The following SLTM variants were observed in gnomAD, a reference collection of about 807,000 sequenced individuals.
SLTM encodes the protein SAFB-like transcription modulator.
Under a neutral mutation model 134.6 loss-of-function variants are expected in SLTM, and 43 were observed. The observed-to-expected ratio is 0.32, with a 90% CI of 0.25 to 0.41. The LOEUF is 0.41. Among genes scored for constraint, SLTM ranks in the 10% least tolerant of loss-of-function variants. The pLI, the probability that SLTM is intolerant of heterozygous loss-of-function variation, is 1.00. For missense variants in SLTM, 1,055 were observed against 1,288.8 expected (o/e 0.82, Z 2.78); for synonymous variants, 424 against 432.3 (o/e 0.98, Z 0.24).
chr15:58,901,238 T>C lies in SLTM; in HGVS notation c.589+22A>G, dbSNP rs1185450112. ...TGTTTTTCTAAATTTTAGCAATTTTTAAGCTCTAGCATCAAACATACCTTT... is the reference window on the plus strand; with the variant it reads ...TGTTTTTCTAAATTTTAGCAATTTTCAAGCTCTAGCATCAAACATACCTTT... On this transcript the variant is annotated intron_variant, in intron 6 of 20. Transcript: ENST00000380516. The C allele has an allele frequency of 3.2e-6, 5 of 1,585,204 alleles. No individual in the cohort carries two copies. In the African/African-American group the frequency reaches 6.8e-5, roughly 21 times the overall value.
chr15:58,903,990 CTCTT>C (rs753892172), intron 5 of SLTM, among the ~76,000 whole-genome samples: 3 of 152,114 alleles, frequency 2.0e-5, no homozygotes, highest in African/African-American at 4.8e-5. Flanking sequence ...TTTTCTCTCT[CTCTT>C]TCTTTTTCAA....
rs554541147 is a variant in SLTM, at chr15:58,882,126, A to G, written c.2996+1500T>C. ...CTTGAACCCAGGAGGCAGAGGTTGC[A>G]GCGAGCCGAGACTGCACCACTACAC... On this transcript the variant is annotated intron_variant, in intron 20 of 20. Coordinates refer to ENST00000380516, the MANE Select transcript of SLTM (RefSeq NM_024755.4). Among the ~76,000 whole-genome samples, 10 of 137,024 alleles carry G rather than the reference A, an allele frequency of 7.3e-5. No homozygotes were observed. In the East Asian group the frequency reaches 1.7e-3, roughly 23 times the overall value. The allele number at this position is 137,024 out of a possible 152,430, so 89.9% of individuals were successfully genotyped here. A position where few individuals can be genotyped will look rare whatever the true frequency, so the allele number is the denominator to read the frequency against.
At chr15:58,930,281 A>ATTTTTTT (rs34150533) in intron 2 of SLTM, among the ~76,000 whole-genome samples, 1 of 117,650 alleles carries the variant, frequency 8.5e-6, no homozygotes, top group African/African-American at 3.3e-5. Flanking sequence ...ATGCCCAGCT[A>ATTTTTTT]TTTTTTTTTT....
intron 2 of SLTM, chr15:58,921,482 A>T (rs1365798873): frequency 1.1e-5 from 3 of 261,302 alleles, no homozygotes; most frequent in Admixed American, 8.6e-5. Context: ...AACAAGAGGC[A>T]GCACTGGGGT....
chr15:58,882,535 C>G (rs997786865), intron 20 of SLTM, among the ~76,000 whole-genome samples: 1 of 152,056 alleles, frequency 6.6e-6, no homozygotes, highest in Non-Finnish European at 1.5e-5. Flanking sequence ...GATAAGTGAC[C>G]GTGTGAAACA....
intron 9 of SLTM, among the ~76,000 whole-genome samples, chr15:58,896,789 A>G (rs528185465): frequency 6.6e-6 from 1 of 152,312 alleles, no homozygotes; most frequent in African/African-American, 2.4e-5. Flanking sequence ...TATTTTCAAG[A>G]TGTCCAAATC....
intron 5 of SLTM, among the ~76,000 whole-genome samples, chr15:58,902,814 C>G (rs1238940637): frequency 6.6e-6 from 1 of 152,008 alleles, no homozygotes; most frequent in East Asian, 1.9e-4. Context: ...ACCTCCGCCT[C>G]CTGTGTTCAA....
chr15:58,897,352 T>C (rs1214007189), intron 8 of SLTM, 119 bp from the exon 9 acceptor site: 7 of 592,590 alleles, frequency 1.2e-5, no homozygotes, highest in Non-Finnish European at 1.8e-5. Context: ...TATATCAAAA[T>C]CCTGTGAGTT....
chr15:58,887,125 A>G lies in SLTM; in HGVS notation c.2691-6T>C, dbSNP rs2034276865. 6.2e-7 allele frequency: 1 copy of G among 1,613,906 alleles called. No homozygotes were observed. Among genetic ancestry groups the G allele is most frequent in the African/African-American group, 1.3e-5 (1 of 74,924 alleles). On this transcript the variant is annotated splice_polypyrimidine_tract_variant and splice_region_variant and intron_variant, in intron 18 of 20. Transcript: ENST00000380516. ...ATCGTTCTGGCCTTTCAACTCTGTT[A>G]AACAAAACATAAAAACATACATGAT...
At chr15:58,881,934 G>T (rs769508493) in intron 20 of SLTM, among the ~76,000 whole-genome samples, 4 of 151,750 alleles carry the variant, frequency 2.6e-5, no homozygotes, top group Non-Finnish European at 5.9e-5. Flanking sequence ...CACACGGCCG[G>T]GCGCAGTGGC....
At chr15:58,929,914 A>G (rs112981030) in intron 2 of SLTM, among the ~76,000 whole-genome samples, 71 of 152,304 alleles carry the variant, frequency 4.7e-4, no homozygotes, top group African/African-American at 1.5e-3. Flanking sequence ...CTCTCATATT[A>G]AAAATAATAA....
At chr15:58,889,964 C>T (rs766128441) in intron 15 of SLTM, 19 of 377,988 alleles carry the variant, frequency 5.0e-5, no homozygotes, top group Non-Finnish European at 8.1e-5. Flanking sequence ...GTAAGGAAAT[C>T]GTTATTATTT....
intron 5 of SLTM, among the ~76,000 whole-genome samples, chr15:58,903,601 C>T (rs1455221739): frequency 1.3e-5 from 2 of 151,676 alleles, no homozygotes; most frequent in African/African-American, 2.4e-5. Flanking sequence ...GATGAGTTAA[C>T]GGGTGCAGCA....
intron 16 of SLTM, 77 bp from the exon 17 acceptor site, chr15:58,888,632 AC>A: frequency 7.0e-7 from 1 of 1,425,210 alleles, no homozygotes. Context: ...AGTCATACAT[AC>A]CACATGTTAG....
At chr15:58,907,537 C>G (rs2035948628) in intron 5 of SLTM, among the ~76,000 whole-genome samples, 1 of 152,174 alleles carries the variant, frequency 6.6e-6, no homozygotes, top group Admixed American at 6.5e-5. Flanking sequence ...GCGGTGATCA[C>G]TTGAGCCCAG....
At chr15:58,887,691 A>T in intron 17 of SLTM, 151 bp from the exon 18 acceptor site, 1 of 1,397,344 alleles carries the variant, frequency 7.2e-7, no homozygotes, top group Non-Finnish European at 9.4e-7. Flanking sequence ...GATTATTACA[A>T]CTCATTTTCT....
At chr15:58,926,809 T>TC (rs1324942278) in intron 2 of SLTM, among the ~76,000 whole-genome samples, 3 of 152,108 alleles carry the variant, frequency 2.0e-5, no homozygotes, top group Non-Finnish European at 4.4e-5. Context: ...AGAGGGGGTT[T>TC]CACCATGTTG....
At chr15:58,927,517 C>T (rs1227386792) in intron 2 of SLTM, among the ~76,000 whole-genome samples, 1 of 152,200 alleles carries the variant, frequency 6.6e-6, no homozygotes, top group Non-Finnish European at 1.5e-5. Context: ...GTGATCCGCC[C>T]ACCTCAGCTT....
intron 5 of SLTM, among the ~76,000 whole-genome samples, chr15:58,903,349 CTTAGAAAACTAAGCAGAAGTACGCTGT>C (rs1468907043): frequency 6.6e-6 from 1 of 152,198 alleles, no homozygotes; most frequent in East Asian, 1.9e-4. Context: ...ATAACTTCTG[CTTAGAAAACTAAGCAGAAGTACGCTGT>C]TTAAAGTCAG....
Sources: allele counts gnomAD v4.1 joint callset (sites outside exome capture counted in the v4.1 genomes callset), GRCh38; gene constraint gnomAD v4.1.1; transcripts MANE v1.5; gene names NCBI Gene and HGNC (gene_info 2026-07-23, HGNC 2026-07-21).